TM9SF2: variants seen among roughly 807,000 people sequenced by gnomAD.
TM9SF2 encodes transmembrane 9 superfamily member 2.
In TM9SF2, 13 loss-of-function variants were observed where a neutral mutation model predicts 84.9. That is an observed-to-expected ratio of 0.15 (90% CI 0.10 to 0.24). The LOEUF (loss-of-function observed/expected upper bound fraction) is 0.24. Ranked by LOEUF, TM9SF2 falls within the 10% of genes least tolerant of loss-of-function variation. TM9SF2 has a pLI of 1.00. For missense variants in TM9SF2, 562 were observed against 818.5 expected (o/e 0.69, Z 3.82); for synonymous variants, 273 against 285.8 (o/e 0.96, Z 0.45).
chr13:99,547,797 G>GAT (rs1254842311), intron 11 of TM9SF2, among the ~76,000 whole-genome samples: 2 of 152,146 alleles, frequency 1.3e-5, no homozygotes, highest in Non-Finnish European at 2.9e-5. Flanking sequence ...TCTCGTCTGG[G>GAT]ATATACAGTG....
At chr13:99,523,371 G>T (rs1351176817) in intron 3 of TM9SF2, among the ~76,000 whole-genome samples, 3 of 152,012 alleles carry the variant, frequency 2.0e-5, no homozygotes, top group African/African-American at 4.8e-5. Context: ...GGCTGGTCTT[G>T]AACTCCTGGG....
chr13:99,545,947 T>C (rs375407058), intron 10 of TM9SF2, among the ~76,000 whole-genome samples: 5 of 152,184 alleles, frequency 3.3e-5, no homozygotes, highest in African/African-American at 1.2e-4. Flanking sequence ...AGTGAACTTT[T>C]AAGGAAGGAA....
chr13:99,542,312 A>G (rs2046263925), intron 9 of TM9SF2, among the ~76,000 whole-genome samples: 2 of 152,240 alleles, frequency 1.3e-5, no homozygotes, highest in Admixed American at 6.5e-5. Context: ...TTGTGAAACC[A>G]CAAAGTTGAA....
intron 16 of TM9SF2, among the ~76,000 whole-genome samples, chr13:99,560,103 A>T (rs936202188): frequency 1.3e-5 from 2 of 152,130 alleles, no homozygotes; most frequent in Non-Finnish European, 2.9e-5. Flanking sequence ...TCGGTATCTC[A>T]CAGCCCCGGG....
chr13:99,552,321 A>C lies in TM9SF2; in HGVS notation c.1483A>C (p.Lys495Gln). 1 of 1,613,166 alleles carries C rather than the reference A, an allele frequency of 6.2e-7. No individual in the cohort carries two copies. The highest frequency in any genetic ancestry group is 8.5e-7 in the Non-Finnish European group (1 of 1,179,698). Residue 495 changes from lysine (K) to glutamine (Q), a missense_variant, in exon 13 of 17, where the codon AAG becomes CAG. Coordinates refer to ENST00000376387, the MANE Select transcript of TM9SF2 (RefSeq NM_004800.3). ...TFIGAYFGFK[K>Q]NAIEHPVRTN... ...TATTGGTGCATACTTTGGTTTTAAGAAGAATGTAAGTTTATAGGTGTTAAC... is the reference window on the plus strand; with the variant it reads ...TATTGGTGCATACTTTGGTTTTAAGCAGAATGTAAGTTTATAGGTGTTAAC...
Position 99,543,886 on chromosome 13 carries a change from C to T in TM9SF2, c.1041C>T (p.Gly347=), listed in dbSNP as rs1356229757. Residue 347 remains glycine, a synonymous_variant, in exon 10 of 17, where the codon GGC becomes GGT. Coordinates refer to ENST00000376387, the MANE Select transcript of TM9SF2 (RefSeq NM_004800.3). ...AGGAAGATGCCCAGGAAGAATTTGGCTGGAAACTTGTTCATGGTGATATAT... is the reference window on the plus strand; with the variant it reads ...AGGAAGATGCCCAGGAAGAATTTGGTTGGAAACTTGTTCATGGTGATATAT... ...DSTEDAQEEF[G]WKLVHGDIFR... 1.9e-6 allele frequency: 3 copies of T among 1,613,986 alleles called. No individual in the cohort carries two copies. In the African/African-American group the frequency reaches 4.0e-5, roughly 22 times the overall value.
intron 15 of TM9SF2, among the ~76,000 whole-genome samples, chr13:99,557,400 GTTTA>G (rs943804930): frequency 1.5e-4 from 23 of 152,078 alleles, no homozygotes; most frequent in African/African-American, 7.2e-5. Flanking sequence ...AGTTGTAAGA[GTTTA>G]TTTATTTATT....
At chr13:99,510,221 G>T (rs2046107856) in intron 1 of TM9SF2, among the ~76,000 whole-genome samples, 1 of 152,106 alleles carries the variant, frequency 6.6e-6, no homozygotes, top group Non-Finnish European at 1.5e-5. Flanking sequence ...CAATGTTTTG[G>T]TCACAACCAT....
Position 99,554,342 on chromosome 13 carries a change from T to C in TM9SF2, c.1527T>C (p.Arg509=). The change falls in exon 14 of 17, where the codon CGT becomes CGC. Residue 509 remains arginine, a synonymous_variant. Coordinates refer to ENST00000376387, the MANE Select transcript of TM9SF2 (RefSeq NM_004800.3). The part of the protein sequence containing the change: ...EHPVRTNQIP[R]QIPEQSFYTK... ...CAGTTCGAACCAATCAGATTCCACG[T>C]CAGATTCCTGAACAGTCGTTCTACA... 1 of 1,614,088 alleles carries C rather than the reference T, an allele frequency of 6.2e-7. No homozygotes were observed. Among genetic ancestry groups the C allele is most frequent in the Non-Finnish European group, 8.5e-7 (1 of 1,179,986 alleles).
intron 7 of TM9SF2, among the ~76,000 whole-genome samples, chr13:99,540,235 GT>G (rs2046252194): frequency 1.3e-5 from 2 of 152,090 alleles, no homozygotes; most frequent in African/African-American, 4.8e-5. Context: ...TAGTTGTGAT[GT>G]TTAATATCCC....
intron 16 of TM9SF2, among the ~76,000 whole-genome samples, chr13:99,560,405 T>C (rs556215252): frequency 1.2e-4 from 19 of 152,290 alleles, no homozygotes; most frequent in Non-Finnish European, 2.4e-4. Context: ...TCCAGGTCAT[T>C]GATCAGACAT....
intron 10 of TM9SF2, among the ~76,000 whole-genome samples, chr13:99,546,583 C>T (rs2046283505): frequency 1.3e-5 from 2 of 150,364 alleles, no homozygotes; most frequent in African/African-American, 4.9e-5. Context: ...TTTTTTTTAC[C>T]CCCAGAGGAC....
chr13:99,557,582 AATT>A (rs1253572351), intron 15 of TM9SF2, among the ~76,000 whole-genome samples: 3 of 151,946 alleles, frequency 2.0e-5, no homozygotes, highest in Admixed American at 6.6e-5. Context: ...CATATCTAAG[AATT>A]ATTATCAAAT....
intron 4 of TM9SF2, among the ~76,000 whole-genome samples, chr13:99,533,825 C>T (rs1017564893): frequency 2.0e-5 from 3 of 152,086 alleles, no homozygotes; most frequent in African/African-American, 7.2e-5. Flanking sequence ...TGCCCGCCAC[C>T]ACGCCTGGCT....
chr13:99,520,238 T>A, intron 3 of TM9SF2, 109 bp downstream of exon 3: 2 of 857,322 alleles, frequency 2.3e-6, no homozygotes, highest in Non-Finnish European at 1.8e-6. Flanking sequence ...AGTTCATTTC[T>A]CTTTTTCATC....
intron 9 of TM9SF2, among the ~76,000 whole-genome samples, chr13:99,543,291 C>T (rs1375970750): frequency 6.6e-6 from 1 of 152,192 alleles, no homozygotes; most frequent in Non-Finnish European, 1.5e-5. Context: ...GTACAGTATA[C>T]TTTCCTGACT....
chr13:99,562,803 T>A lies in TM9SF2; in HGVS notation c.*45T>A, dbSNP rs774492635. The A allele has an allele frequency of 1.3e-6, 2 of 1,584,900 alleles. No homozygotes were observed. Among genetic ancestry groups the A allele is most frequent in the East Asian group, 2.2e-5 (1 of 44,566 alleles). On this transcript the variant is annotated 3_prime_UTR_variant, in exon 17 of 17. Transcript: ENST00000376387. ...TTAAAACAGAAATAAATTAAACTCT[T>A]CATCAACAAAGACCTGTTTTTGTGA... is the stretch of plus-strand genomic sequence containing the variant.
At chr13:99,504,186 A>G (rs930377127) in intron 1 of TM9SF2, among the ~76,000 whole-genome samples, 1 of 152,240 alleles carries the variant, frequency 6.6e-6, no homozygotes, top group African/African-American at 2.4e-5. Flanking sequence ...ATTCTCATCT[A>G]TTTCGTATTT....
Position 99,529,473 on chromosome 13 carries a change from T to C in TM9SF2, c.340T>C (p.Phe114Leu). 1 of 1,556,990 alleles carries C rather than the reference T, an allele frequency of 6.4e-7. No individual in the cohort carries two copies. Among genetic ancestry groups the C allele is most frequent in the Non-Finnish European group, 8.6e-7 (1 of 1,159,980 alleles). The change falls in exon 4 of 17, where the codon TTT becomes CTT. Residue 114 changes from phenylalanine to leucine, a missense_variant. This residue lies in a region of TM9SF2 where 267 missense variants were observed against 316.7 expected (regional missense o/e 0.84). Transcript: ENST00000376387. Reference protein sequence around the residue: ...RIEPSPYKFTFNKKETCKLVC... With the variant: ...RIEPSPYKFTLNKKETCKLVC... The stretch of plus-strand genomic sequence containing the variant: ...CCACTTCCTTTTAATACAGTTTACG[T>C]TTAATAAGAAGGAGACCTGTAAGCT...
Sources: allele counts gnomAD v4.1 joint callset (sites outside exome capture counted in the v4.1 genomes callset), GRCh38; gene constraint gnomAD v4.1.1; regional missense constraint gnomAD v4.1.1; transcripts MANE v1.5; gene names NCBI Gene and HGNC (gene_info 2026-07-23, HGNC 2026-07-21).